Variants in TRABD2B observed in about 807,000 individuals in gnomAD.
TRABD2B encodes metalloprotease TIKI2.
A neutral mutation model predicts 40.1 loss-of-function variants in TRABD2B; 14 were observed. The observed-to-expected ratio is 0.35, with a 90% confidence interval of 0.23 to 0.55. TRABD2B has a LOEUF of 0.55. Among genes scored for constraint, TRABD2B ranks in the 20% least tolerant of loss-of-function variants. The probability of loss-of-function intolerance (pLI) is 0.90; values close to 1 mark genes in which losing one functional copy is unlikely to be tolerated. For missense variants in TRABD2B, 541 were observed against 648.6 expected (o/e 0.83, Z 1.80); for synonymous variants, 263 against 277.0 (o/e 0.95, Z 0.50).
At chr1:47,885,471 A>G (rs983963545) in intron 2 of TRABD2B, among the ~76,000 whole-genome samples, 1 of 152,176 alleles carries the variant, frequency 6.6e-6, no homozygotes, top group Non-Finnish European at 1.5e-5. Context: ...CCATCACTGC[A>G]TCGGCCATCT....
intron 2 of TRABD2B, among the ~76,000 whole-genome samples, chr1:47,992,629 G>A (rs553530268): frequency 8.5e-5 from 13 of 152,336 alleles, no homozygotes; most frequent in African/African-American, 7.2e-5. Context: ...GGTGAGCGCC[G>A]GGGGTCCCGA....
At chr1:47,947,920 A>G (rs1006256131) in intron 2 of TRABD2B, among the ~76,000 whole-genome samples, 2 of 152,174 alleles carry the variant, frequency 1.3e-5, no homozygotes, top group Non-Finnish European at 2.9e-5. Flanking sequence ...CCTAGACCTG[A>G]TTCCTAGTCC....
chr1:47,876,034 C>T (rs1258527558), intron 2 of TRABD2B, among the ~76,000 whole-genome samples: 3 of 152,202 alleles, frequency 2.0e-5, no homozygotes, highest in African/African-American at 7.2e-5. Flanking sequence ...GATATATTTT[C>T]CACAACCAAA....
intron 2 of TRABD2B, among the ~76,000 whole-genome samples, chr1:47,965,744 T>C (rs1204860756): frequency 1.3e-5 from 2 of 152,200 alleles, no homozygotes; most frequent in Admixed American, 6.5e-5. Context: ...TAAGTCTATG[T>C]TGAGTCTCTT....
chr1:47,903,813 C>A (rs1644638014), intron 2 of TRABD2B, among the ~76,000 whole-genome samples: 1 of 152,186 alleles, frequency 6.6e-6, no homozygotes, highest in South Asian at 2.1e-4. Context: ...AAACTTAACA[C>A]CCAGTAAATA....
chr1:47,813,087 T>C lies in TRABD2B; in HGVS notation c.667-11468A>G, dbSNP rs1346043318. On this transcript the variant is annotated intron_variant, in intron 2 of 6. Transcript: ENST00000606738. The surrounding 1 kb of genome is among the most constrained non-coding windows in gnomAD (Gnocchi z 4.3). ...GCTTCCATTGGTTCGAGGCATGTCA[T>C]TTTTATTTTCCCTGCTGTCTCAGAC... Among the ~76,000 whole-genome samples the C allele has an allele frequency of 6.6e-6, 1 of 152,232 alleles. No homozygotes were observed. The highest frequency in any genetic ancestry group is 1.5e-5 in the Non-Finnish European group (1 of 68,050).
chr1:47,844,222 A>G (rs1645437233), intron 2 of TRABD2B, among the ~76,000 whole-genome samples: 1 of 152,198 alleles, frequency 6.6e-6, no homozygotes. Flanking sequence ...GTGCAAGCTA[A>G]GAGGTTTTAT....
intron 2 of TRABD2B, among the ~76,000 whole-genome samples, chr1:47,928,790 T>C (rs778683929): frequency 6.6e-6 from 1 of 152,260 alleles, no homozygotes; most frequent in African/African-American, 2.4e-5. Flanking sequence ...GCCCTCACTC[T>C]GAGCTCTTTC....
At chr1:47,800,897 G>A (rs1007555029) in intron 3 of TRABD2B, among the ~76,000 whole-genome samples, 1 of 152,176 alleles carries the variant, frequency 6.6e-6, no homozygotes, top group Admixed American at 6.5e-5. Flanking sequence ...GAGGACCTGG[G>A]CTGTGACAAG....
intron 2 of TRABD2B, chr1:47,820,246 G>C (rs1397910856): frequency 6.6e-6 from 1 of 152,220 alleles, no homozygotes; most frequent in Non-Finnish European, 1.5e-5. Flanking sequence ...TGAATGAACT[G>C]TGTGGCCTTT....
intron 2 of TRABD2B, among the ~76,000 whole-genome samples, chr1:47,835,066 T>A (rs961954491): frequency 1.3e-5 from 2 of 152,116 alleles, no homozygotes; most frequent in African/African-American, 4.8e-5. Flanking sequence ...TCATCACATA[T>A]AGAATAGTAA....
intron 2 of TRABD2B, among the ~76,000 whole-genome samples, chr1:47,815,382 T>A (rs1402882258): frequency 6.6e-6 from 1 of 152,076 alleles, no homozygotes; most frequent in Non-Finnish European, 1.5e-5. Flanking sequence ...AAGGAGCAGG[T>A]TAAAGGGGCC....
chr1:47,907,884 C>A (rs1644699412), intron 2 of TRABD2B, among the ~76,000 whole-genome samples: 1 of 152,178 alleles, frequency 6.6e-6, no homozygotes. Flanking sequence ...TGTCGTAGAA[C>A]CCACTTGGTA....
At chr1:47,940,183 TC>T (rs946550566) in intron 2 of TRABD2B, among the ~76,000 whole-genome samples, 1 of 152,206 alleles carries the variant, frequency 6.6e-6, no homozygotes, top group Non-Finnish European at 1.5e-5. Flanking sequence ...ATCCGTAAAC[TC>T]TGACTCTTCA....
At position 47,994,203 on chromosome 1, in the gene TRABD2B, A is replaced by C; in HGVS notation, c.497T>G (p.Val166Gly). 3 of 1,544,782 alleles carry C rather than the reference A, an allele frequency of 1.9e-6. No homozygotes were observed. The highest frequency in any genetic ancestry group is 2.6e-6 in the Non-Finnish European group (3 of 1,151,084). ...TGTGAGCGAGTTTACCATGAGCATC[A>C]CCCAGACGGGCCTCTTGCGCTCCCA... is the stretch of plus-strand genomic sequence containing the variant. Reference protein sequence around the residue: ...GNWERKRPVWVMLMVNSLTER... With the variant: ...GNWERKRPVWGMLMVNSLTER... Residue 166 changes from valine (V) to glycine (G), a missense_variant, in exon 2 of 7, where the codon GTG becomes GGG. Around this residue, in one of 2 missense-constraint regions of TRABD2B, gnomAD observed 369 missense variants for 492.8 expected, o/e 0.75. Transcript: ENST00000606738. This position sits in a 1 kb window ranked among gnomAD's most constrained non-coding sequence, Gnocchi z 6.7.
chr1:47,839,557 C>T (rs544096510), intron 2 of TRABD2B, among the ~76,000 whole-genome samples: 6 of 152,318 alleles, frequency 3.9e-5, no homozygotes, highest in Admixed American at 1.3e-4. Flanking sequence ...CTGCCATCCA[C>T]GCTCCAGCCT....
At chr1:47,973,532 T>C (rs545354483) in intron 2 of TRABD2B, among the ~76,000 whole-genome samples, 7 of 152,292 alleles carry the variant, frequency 4.6e-5, no homozygotes, top group Admixed American at 4.6e-4. Context: ...TACTTGCTCC[T>C]CCTCCAGCCT....
intron 2 of TRABD2B, among the ~76,000 whole-genome samples, chr1:47,871,530 C>T (rs1644140846): frequency 2.0e-5 from 3 of 152,198 alleles, no homozygotes; most frequent in Non-Finnish European, 4.4e-5. Context: ...TGAATGGCCG[C>T]CCAGGGAGTG....
chr1:47,825,410 G>C (rs1645161997), intron 2 of TRABD2B, among the ~76,000 whole-genome samples: 1 of 152,154 alleles, frequency 6.6e-6, no homozygotes, highest in African/African-American at 2.4e-5. Context: ...CCATGGTTCT[G>C]AAAAGCCAAA....
Sources: gnomAD v4.1 joint callset for allele counts (sites outside exome capture counted in the v4.1 genomes callset) on GRCh38, gnomAD v4.1.1 for gene constraint, gnomAD v4.1.1 regional missense constraint, Gnocchi (gnomAD v3.1) non-coding constraint, MANE v1.5 for transcripts, NCBI Gene and HGNC (gene_info 2026-07-23, HGNC 2026-07-21) for gene names.